TSHZ2: variants seen among roughly 807,000 people sequenced by gnomAD.
The protein encoded by TSHZ2 is teashirt zinc finger homeobox 2, also known as teashirt homolog 2.
In TSHZ2, 21 loss-of-function variants were observed where a neutral mutation model predicts 74.4. The ratio of observed to expected loss-of-function variants is 0.28; its 90% CI spans 0.20 to 0.41. TSHZ2 has a LOEUF of 0.41. Ranked by LOEUF, TSHZ2 falls within the 10% of genes least tolerant of loss-of-function variation. The pLI, the probability that TSHZ2 is intolerant of heterozygous loss-of-function variation, is 1.00. For missense variants in TSHZ2, 1,244 were observed against 1,293.5 expected, an observed-to-expected ratio of 0.96 and a Z score of 0.59; for synonymous variants, 540 against 515.3, an observed-to-expected ratio of 1.05 and a Z score of -0.65.
intron 1 of TSHZ2, among the ~76,000 whole-genome samples, chr20:53,032,329 C>T (rs1193844644): frequency 2.0e-5 from 3 of 152,224 alleles, no homozygotes; most frequent in Admixed American, 6.5e-5. Context: ...ACTTGATGTT[C>T]TCCCATAGCC....
chr20:53,300,633 G>A (rs1991461590), intron 2 of TSHZ2, among the ~76,000 whole-genome samples: 1 of 152,074 alleles, frequency 6.6e-6, no homozygotes, highest in Non-Finnish European at 1.5e-5. Context: ...AATGAGTAGT[G>A]TCTGCCTATG....
intron 1 of TSHZ2, among the ~76,000 whole-genome samples, chr20:53,179,747 CATACCCACACGTGTATT>C (rs1280013952): frequency 3.9e-5 from 6 of 152,210 alleles, no homozygotes; most frequent in Admixed American, 3.9e-4. Context: ...GAGCCTTTGG[CATACCCACACGTGTATT>C]TTATAAAATT....
At chr20:52,997,941 T>C (rs1037097679) in intron 1 of TSHZ2, among the ~76,000 whole-genome samples, 1 of 152,184 alleles carries the variant, frequency 6.6e-6, no homozygotes, top group Non-Finnish European at 1.5e-5. Flanking sequence ...CAGCATCTCC[T>C]AGGAGCTCAT....
In TSHZ2 at chr20:53,136,481, T is replaced by C. The variant is rs182266687; in HGVS notation, c.41-117018T>C. Among the ~76,000 whole-genome samples, 253 of 152,372 alleles carry C rather than the reference T, an allele frequency of 1.7e-3. 2 individuals carry two copies. Among genetic ancestry groups the C allele is most frequent in the South Asian group, 0.011 (53 of 4,832 alleles). The stretch of plus-strand genomic sequence containing the variant: ...CACCATGTATTGGCTACTTGCTGTA[T>C]GTCAGGCACTGTGCTGAACACTGTA... On this transcript the variant is annotated intron_variant, in intron 1 of 2. Transcript: ENST00000371497.
intron 1 of TSHZ2, among the ~76,000 whole-genome samples, chr20:53,216,246 T>C (rs893635425): frequency 6.6e-6 from 1 of 152,212 alleles, no homozygotes; most frequent in African/African-American, 2.4e-5. Flanking sequence ...TTGCTGGTCC[T>C]GTTGTCTTCC....
intron 2 of TSHZ2, among the ~76,000 whole-genome samples, chr20:53,449,805 T>C (rs949571496): frequency 1.3e-5 from 2 of 152,222 alleles, no homozygotes; most frequent in Non-Finnish European, 2.9e-5. Context: ...ATTAAGAGTG[T>C]CCCAATGCTA....
rs1360687545 is a variant in TSHZ2, at chr20:53,073,728, T to C, written c.40+100395T>C. ...TTTTGATAGTTGAAAAGAGTGGTTC[T>C]CATCTTTTATTAACTCCATTCCGTC... On this transcript the variant is annotated intron_variant, in intron 1 of 2. Coordinates refer to ENST00000371497, the MANE Select transcript of TSHZ2 (RefSeq NM_173485.6). Among the ~76,000 whole-genome samples the C allele has an allele frequency of 2.0e-5, 3 of 152,204 alleles. No homozygotes were observed. In the East Asian group the frequency reaches 5.8e-4, roughly 29 times the overall value.
intron 1 of TSHZ2, among the ~76,000 whole-genome samples, chr20:53,173,024 T>C (rs1988238500): frequency 1.3e-5 from 2 of 152,216 alleles, no homozygotes; most frequent in Non-Finnish European, 2.9e-5. Flanking sequence ...GGAATGGCAG[T>C]ACCTGTCTCA....
chr20:53,146,724 G>A lies in TSHZ2; in HGVS notation c.41-106775G>A, dbSNP rs1381425875. On this transcript the variant is annotated intron_variant, in intron 1 of 2. Transcript: ENST00000371497. The stretch of plus-strand genomic sequence containing the variant: ...AATTTTATTAGGCTCCCCATTGGTA[G>A]GCAAGTCAGTGTTGTGTGAACAAAG... Among the ~76,000 whole-genome samples, 3 of 152,152 alleles carry A rather than the reference G, an allele frequency of 2.0e-5. No homozygotes were observed. The East Asian group carries it at 5.8e-4, about 29-fold the overall frequency.
In TSHZ2 at chr20:53,021,041, G is replaced by C. The variant is rs184338387; in HGVS notation, c.40+47708G>C. Among the ~76,000 whole-genome samples, 295 of 152,050 alleles carry C rather than the reference G, an allele frequency of 1.9e-3. 1 individual carries two copies. The highest frequency in any genetic ancestry group is 6.8e-3 in the African/African-American group (282 of 41,480). On this transcript the variant is annotated intron_variant, in intron 1 of 2. Coordinates refer to ENST00000371497, the MANE Select transcript of TSHZ2 (RefSeq NM_173485.6). ...CACTTAGCATAGGTCTGGACAGAGG[G>C]AGCTCTACACAAACATTTGTTGCTG...
intron 2 of TSHZ2, among the ~76,000 whole-genome samples, chr20:53,366,870 G>T (rs1981281703): frequency 6.6e-6 from 1 of 152,150 alleles, no homozygotes; most frequent in Non-Finnish European, 1.5e-5. Context: ...CAATTTGCAT[G>T]CATTATTTCA....
At chr20:53,478,744 C>G (rs967663420) in intron 2 of TSHZ2, among the ~76,000 whole-genome samples, 1 of 151,852 alleles carries the variant, frequency 6.6e-6, no homozygotes, top group African/African-American at 2.4e-5. Flanking sequence ...AGAGGTCCTC[C>G]GCCTTTGCAG....
At chr20:52,995,076 C>G (rs976148061) in intron 1 of TSHZ2, among the ~76,000 whole-genome samples, 6 of 152,186 alleles carry the variant, frequency 3.9e-5, no homozygotes, top group African/African-American at 1.4e-4. Context: ...CAACAAGTAC[C>G]TAACCTCAGC....
intron 1 of TSHZ2, among the ~76,000 whole-genome samples, chr20:53,085,194 C>T (rs1040598041): frequency 1.3e-5 from 2 of 152,054 alleles, no homozygotes; most frequent in African/African-American, 4.8e-5. Flanking sequence ...GAAACCTCAT[C>T]TCTACTAAAA....
chr20:53,008,983 CTCTCTCTCT>C (rs1982749521), intron 1 of TSHZ2, among the ~76,000 whole-genome samples: 1 of 7,222 alleles, frequency 1.4e-4, no homozygotes, highest in Non-Finnish European at 9.5e-4. Context: ...TCTTTCTCCT[CTCTCTCTCT>C]CTCTCTCTCT....
At chr20:53,416,692 A>C (rs764605640) in intron 2 of TSHZ2, among the ~76,000 whole-genome samples, 5 of 152,224 alleles carry the variant, frequency 3.3e-5, no homozygotes, top group African/African-American at 1.2e-4. Context: ...CAACCCCATG[A>C]TCTCCCATCA....
chr20:53,117,877 C>T (rs2123341898), intron 1 of TSHZ2, among the ~76,000 whole-genome samples: 1 of 152,214 alleles, frequency 6.6e-6, no homozygotes. Context: ...AATGTCTTCC[C>T]TCAATCTACC....
At chr20:53,010,042 C>T (rs1039964193) in intron 1 of TSHZ2, among the ~76,000 whole-genome samples, 4 of 152,124 alleles carry the variant, frequency 2.6e-5, no homozygotes, top group African/African-American at 9.7e-5. Context: ...AAAAGGCTCT[C>T]GTCCATGGGT....
At chr20:53,194,614 A>G (rs1394070506) in intron 1 of TSHZ2, among the ~76,000 whole-genome samples, 1 of 152,210 alleles carries the variant, frequency 6.6e-6, no homozygotes, top group East Asian at 1.9e-4. Flanking sequence ...CTGTCCAAGA[A>G]GGAAACTTTG....
Sources: allele counts gnomAD v4.1 joint callset (sites outside exome capture counted in the v4.1 genomes callset), GRCh38; gene constraint gnomAD v4.1.1; transcripts MANE v1.5; gene names NCBI Gene and HGNC (gene_info 2026-07-23, HGNC 2026-07-21).